The following FBXL4 variants were observed in gnomAD, a reference collection of about 807,000 sequenced individuals.
The protein encoded by FBXL4 is F-box and leucine rich repeat protein 4.
A neutral mutation model predicts 58.9 loss-of-function variants in FBXL4; 40 were observed. The ratio of observed to expected loss-of-function variants is 0.68; its 90% CI spans 0.53 to 0.88. The LOEUF (loss-of-function observed/expected upper bound fraction) is 0.88, where lower values mean the gene tolerates loss of function less well. Ranked by LOEUF, FBXL4 falls within the 40% of genes least tolerant of loss-of-function variation. The pLI, the probability that FBXL4 is intolerant of heterozygous loss-of-function variation, is 0.00. For missense variants in FBXL4, 676 were observed against 734.4 expected (o/e 0.92, Z 0.92); for synonymous variants, 263 against 265.5 (o/e 0.99, Z 0.09).
At chr6:98,938,041 CTTTTT>C (rs71015480) in intron 1 of FBXL4, among the ~76,000 whole-genome samples, 9 of 121,068 alleles carry the variant, frequency 7.4e-5, no homozygotes, top group Non-Finnish European at 1.2e-4. Context: ...CCCCTGCACC[CTTTTT>C]TTTTTTTTTT....
chr6:98,880,422 A>T (rs1465139522), intron 8 of FBXL4, 131 bp downstream of exon 8: 2 of 683,762 alleles, frequency 2.9e-6, no homozygotes, highest in East Asian at 5.5e-5. Flanking sequence ...AAAGCAAGGG[A>T]CAAAGAAGAG....
chr6:98,931,710 T>A (rs983417789), intron 2 of FBXL4, among the ~76,000 whole-genome samples: 1 of 152,240 alleles, frequency 6.6e-6, no homozygotes, highest in South Asian at 2.1e-4. Flanking sequence ...CCTTCATTGA[T>A]TCTAAACTCC....
chr6:98,894,253 G>A (rs1026394040), intron 7 of FBXL4, among the ~76,000 whole-genome samples: 3 of 152,034 alleles, frequency 2.0e-5, no homozygotes, highest in South Asian at 2.1e-4. Flanking sequence ...ATGCTTTATC[G>A]TACCTAATAA....
chr6:98,925,153 G>A (rs1261787914), intron 4 of FBXL4, among the ~76,000 whole-genome samples: 2 of 152,152 alleles, frequency 1.3e-5, no homozygotes, highest in African/African-American at 4.8e-5. Flanking sequence ...CATATGAAAA[G>A]ATTTCAACCT....
At chr6:98,941,761 T>TG (rs530263192) in intron 1 of FBXL4, among the ~76,000 whole-genome samples, 33 of 152,302 alleles carry the variant, frequency 2.2e-4, no homozygotes, top group African/African-American at 7.2e-4. Flanking sequence ...TGCATTTATA[T>TG]GTCTGAATAG....
intron 1 of FBXL4, among the ~76,000 whole-genome samples, chr6:98,935,795 C>CAGAAAAA (rs572300937): frequency 7.1e-4 from 84 of 117,638 alleles, no homozygotes; most frequent in African/African-American, 2.9e-3. Flanking sequence ...GACTCCGTCT[C>CAGAAAAA]AAAAAAAAAA....
intron 4 of FBXL4, 35 bp downstream of exon 4, chr6:98,926,442 C>T: frequency 6.5e-7 from 1 of 1,535,270 alleles, no homozygotes; most frequent in South Asian, 1.3e-5. Context: ...AACCTTTCTA[C>T]CATATAACTT....
intron 7 of FBXL4, among the ~76,000 whole-genome samples, chr6:98,883,898 A>T (rs372410359): frequency 3.3e-5 from 5 of 151,682 alleles, no homozygotes; most frequent in African/African-American, 1.2e-4. Context: ...GAACTTTAGA[A>T]TCACCTTAAA....
chr6:98,926,163 T>C (rs1250031149), intron 4 of FBXL4, among the ~76,000 whole-genome samples: 2 of 152,184 alleles, frequency 1.3e-5, no homozygotes, highest in Non-Finnish European at 2.9e-5. Flanking sequence ...ATTTTCAAAG[T>C]CATATTTCGT....
intron 7 of FBXL4, among the ~76,000 whole-genome samples, chr6:98,895,716 A>C (rs1403271257): frequency 6.6e-6 from 1 of 152,226 alleles, no homozygotes; most frequent in Non-Finnish European, 1.5e-5. Flanking sequence ...GACAGCCAAC[A>C]GAATATATTC....
At chr6:98,944,230 G>A (rs1773538024) in intron 1 of FBXL4, among the ~76,000 whole-genome samples, 1 of 152,142 alleles carries the variant, frequency 6.6e-6, no homozygotes, top group African/African-American at 2.4e-5. Flanking sequence ...AGCAGAACTG[G>A]CAACATAAAT....
Position 98,888,741 on chromosome 6 carries a change from TAAAC to T in FBXL4, c.1318-8121_1318-8118del, listed in dbSNP as rs943007383. 2.5e-4 allele frequency among the ~76,000 whole-genome samples: 38 copies of T among 152,322 alleles called. 2 individuals carry two copies. Among genetic ancestry groups the T allele is most frequent in the Admixed American group, 2.4e-3 (36 of 15,294 alleles). On this transcript the variant is annotated intron_variant, in intron 7 of 9. Coordinates refer to ENST00000369244, the MANE Select transcript of FBXL4 (RefSeq NM_001278716.2). Reference sequence around the variant, plus strand: ...TTTTCAAACAAAGGGCAACCTTACTTAAACAACTATGGCAAGGCATTCACTAAGG... The same window carrying T: ...TTTTCAAACAAAGGGCAACCTTACTTAACTATGGCAAGGCATTCACTAAGG...
chr6:98,917,480 T>C lies in FBXL4; in HGVS notation c.752A>G (p.Tyr251Cys), dbSNP rs758776562. 18 of 1,614,088 alleles carry C rather than the reference T, an allele frequency of 1.1e-5. No individual in the cohort carries two copies. In the Admixed American group the frequency reaches 2.8e-4, roughly 25 times the overall value. ...CATTCCACAACCATCCTTTTCTGCA[T>C]AGGCATCATCTTCTATATCATTCAT... ...IDMNDIEDDA[Y>C]AEKDGCGMDS... The change falls in exon 5 of 10, where the codon TAT becomes TGT. Residue 251 changes from tyrosine to cysteine, a missense_variant. Coordinates refer to ENST00000369244, the MANE Select transcript of FBXL4 (RefSeq NM_001278716.2).
intron 2 of FBXL4, among the ~76,000 whole-genome samples, chr6:98,934,252 T>C (rs892405252): frequency 1.3e-5 from 2 of 152,150 alleles, no homozygotes; most frequent in African/African-American, 4.8e-5. Flanking sequence ...GGAAAAACTA[T>C]GGCTGAAAAA....
chr6:98,938,138 GAGTTTTCTTT>G (rs1773293928), intron 1 of FBXL4, among the ~76,000 whole-genome samples: 1 of 149,914 alleles, frequency 6.7e-6, no homozygotes, highest in East Asian at 2.0e-4. Context: ...ACTATTGGTA[GAGTTTTCTTT>G]AGTTTTCTTA....
At chr6:98,931,817 T>C (rs550239069) in intron 2 of FBXL4, among the ~76,000 whole-genome samples, 3 of 152,176 alleles carry the variant, frequency 2.0e-5, no homozygotes, top group African/African-American at 7.2e-5. Flanking sequence ...CCCTGGGAAA[T>C]GAAGCTGAAA....
Position 98,875,433 on chromosome 6 carries a change from G to A in FBXL4, c.1684C>T (p.Gln562Ter). ...ACCTTACCTAATATGTCCAGCTGCT[G>A]TAACCTGGTACAATTACATGCCAAT... ...DELACNCTRLQQLDILGTRMV... is the reference protein window; with the variant it reads ...DELACNCTRL Residue 562 changes from glutamine to a stop codon, truncating the protein, a stop_gained, in exon 9 of 10, where the codon CAG becomes TAG. Transcript: ENST00000369244. LOFTEE classifies it high-confidence loss of function. 6.2e-7 allele frequency: 1 copy of A among 1,613,972 alleles called. No homozygotes were observed. Among genetic ancestry groups the A allele is most frequent in the Non-Finnish European group, 8.5e-7 (1 of 1,179,882 alleles).
At chr6:98,899,906 G>C (rs925823811) in intron 6 of FBXL4, among the ~76,000 whole-genome samples, 1 of 151,986 alleles carries the variant, frequency 6.6e-6, no homozygotes, top group Non-Finnish European at 1.5e-5. Flanking sequence ...TTTGAACACT[G>C]CACACGAAAG....
At position 98,926,490 on chromosome 6, in the gene FBXL4, G is replaced by C. The variant is rs1352078111; in HGVS notation, c.499C>G (p.Pro167Ala). The C allele has an allele frequency of 6.2e-7, 1 of 1,605,366 alleles. No homozygotes were observed. Among genetic ancestry groups the C allele is most frequent in the African/African-American group, 1.3e-5 (1 of 74,648 alleles). Reference sequence around the variant, plus strand: ...AATTAGTCTTACCTTACTTCAGCTGGTGGATTTGGGGAATAAGGATTTGCA... The same window carrying C: ...AATTAGTCTTACCTTACTTCAGCTGCTGGATTTGGGGAATAAGGATTTGCA... Reference protein sequence around the residue: ...CSANPYSPNPPAEVRWEILWS... With the variant: ...CSANPYSPNPAAEVRWEILWS... The change falls in exon 4 of 10, where the codon CCA (proline) becomes GCA (alanine). Residue 167 changes from proline to alanine, a missense_variant. Transcript: ENST00000369244.
Sources: allele counts gnomAD v4.1 joint callset (sites outside exome capture counted in the v4.1 genomes callset), GRCh38; gene constraint gnomAD v4.1.1; transcripts MANE v1.5; gene names NCBI Gene and HGNC (gene_info 2026-07-23, HGNC 2026-07-21).